AKAIN1: variants seen among roughly 807,000 people sequenced by gnomAD.
AKAIN1 encodes the protein A-kinase anchor protein inhibitor 1.
AKAIN1 carries 3 observed loss-of-function variants against 3.7 expected under a neutral mutation model. The observed-to-expected ratio is 0.82, with a 90% CI of 0.37 to 2.12. The LOEUF is 2.12. Among genes scored for constraint, AKAIN1 ranks in the 30% most tolerant of loss-of-function variants. The pLI is 0.06. For missense variants in AKAIN1, 82 were observed against 82.7 expected (o/e 0.99, Z 0.03); for synonymous variants, 31 against 30.8 (o/e 1.01, Z -0.02).
At chr18:5,160,951 T>TG (rs548173058) in intron 1 of AKAIN1, among the ~76,000 whole-genome samples, 1 of 152,014 alleles carries the variant, frequency 6.6e-6, no homozygotes, top group Non-Finnish European at 1.5e-5. Flanking sequence ...ATACTAGTAC[T>TG]TTATAAGCCT....
chr18:5,164,742 G>A (rs2143336754), intron 1 of AKAIN1, among the ~76,000 whole-genome samples: 1 of 152,076 alleles, frequency 6.6e-6, no homozygotes, highest in Non-Finnish European at 1.5e-5. Flanking sequence ...CTTGCCTTAT[G>A]AGTAATGCAT....
intron 1 of AKAIN1, among the ~76,000 whole-genome samples, chr18:5,176,568 A>T (rs1188968781): frequency 6.6e-6 from 1 of 152,208 alleles, no homozygotes; most frequent in African/African-American, 2.4e-5. Context: ...TGTTATGATA[A>T]GATGCCAACA....
At chr18:5,154,392 G>T (rs1014787733) in intron 1 of AKAIN1, among the ~76,000 whole-genome samples, 4 of 152,038 alleles carry the variant, frequency 2.6e-5, no homozygotes, top group Non-Finnish European at 5.9e-5. Context: ...GACTTAAAAG[G>T]CTGTTCTGAC....
At chr18:5,194,097 T>A (rs192427745) in intron 1 of AKAIN1, among the ~76,000 whole-genome samples, 1 of 152,302 alleles carries the variant, frequency 6.6e-6, no homozygotes, top group African/African-American at 2.4e-5. Context: ...TAGGTATATA[T>A]GGTACTTACA....
chr18:5,181,482 C>T (rs980239362), intron 1 of AKAIN1, among the ~76,000 whole-genome samples: 5 of 152,114 alleles, frequency 3.3e-5, no homozygotes, highest in African/African-American at 1.2e-4. Flanking sequence ...CTGAAAAGTA[C>T]ATGTGATACA....
upstream of AKAIN1, chr18:5,197,317 C>T (rs992357498): frequency 1.5e-5 from 20 of 1,325,928 alleles, no homozygotes; most frequent in Admixed American, 3.2e-4. The surrounding 1 kb of genome is among the most constrained non-coding windows in gnomAD (Gnocchi z 6.9). Flanking sequence ...TCCCTCATTC[C>T]TGTGCCAGCT....
Position 5,143,479 on chromosome 18 carries a change from C to G in AKAIN1, c.*2083G>C, listed in dbSNP as rs1021951562. Among the ~76,000 whole-genome samples the G allele has an allele frequency of 6.6e-6, 1 of 152,130 alleles. No homozygotes were observed. Among genetic ancestry groups the G allele is most frequent in the Non-Finnish European group, 1.5e-5 (1 of 68,022 alleles). ...AAAAGACCACTTCTTAGCATACATC[C>G]TTTTCTCTTCAAGCCTCAGGACCCA... On this transcript the variant is annotated 3_prime_UTR_variant, in exon 2 of 2. Transcript: ENST00000434239.
chr18:5,171,534 G>T (rs749682355), intron 1 of AKAIN1, among the ~76,000 whole-genome samples: 1 of 152,100 alleles, frequency 6.6e-6, no homozygotes, highest in African/African-American at 2.4e-5. Context: ...CAACAGATCC[G>T]AATAGACAGT....
rs1249639875 is a variant in AKAIN1, at chr18:5,145,224, A to G, written c.*338T>C. The G allele has an allele frequency of 5.1e-6, 1 of 195,126 alleles. No homozygotes were observed. The highest frequency in any genetic ancestry group is 1.2e-4 in the East Asian group (1 of 8,070). The allele number at this position is 195,126 out of a possible 1,614,324, so 12.1% of individuals were successfully genotyped here. ...AAAAGGCTGCTTGTTAAATTCACAG[A>G]AGGAACGCATAAAAGGCAGAAGTAA... On this transcript the variant is annotated 3_prime_UTR_variant, in exon 2 of 2. Transcript: ENST00000434239.
rs189556551 is a variant in AKAIN1 at position 5,175,980 on chromosome 18, C to G, written c.16+21058G>C. Among the ~76,000 whole-genome samples, 15 of 151,982 alleles carry G rather than the reference C, an allele frequency of 9.9e-5. No homozygotes were observed. In the East Asian group the frequency reaches 2.7e-3, roughly 28 times the overall value. On this transcript the variant is annotated intron_variant, in intron 1 of 1. Coordinates refer to ENST00000434239, the MANE Select transcript of AKAIN1 (RefSeq NM_001145194.2). ...ACCACATTTCCATTTTGCAATGGAC[C>G]CTGCAAATTATGTAGTTGGCCCTGT...
At chr18:5,196,963 T>C in intron 1 of AKAIN1, 75 bp downstream of exon 1, 1 of 1,330,280 alleles carries the variant, frequency 7.5e-7, no homozygotes, top group Non-Finnish European at 1.1e-6. Context: ...TAAAGAGGCC[T>C]TTTTTCCCTC....
intron 1 of AKAIN1, among the ~76,000 whole-genome samples, chr18:5,156,630 T>C (rs939025067): frequency 2.0e-5 from 3 of 152,258 alleles, no homozygotes; most frequent in African/African-American, 7.2e-5. Context: ...GTAATGCTTT[T>C]AGATGATTAA....
chr18:5,192,390 T>TTTCTTTCTTTCC (rs1398721959), intron 1 of AKAIN1, among the ~76,000 whole-genome samples: 9 of 81,890 alleles, frequency 1.1e-4, no homozygotes, highest in African/African-American at 4.2e-4. Context: ...GCTAATTTTC[T>TTTCTTTCTTTCC]TTCTTTCTTT....
chr18:5,174,738 C>CAA (rs113082512), intron 1 of AKAIN1, among the ~76,000 whole-genome samples: 4,123 of 145,122 alleles, frequency 0.028, 103 homozygotes, highest in East Asian at 0.11. Context: ...GAGATTCTGT[C>CAA]AAAAAAAAAA....
intron 1 of AKAIN1, among the ~76,000 whole-genome samples, chr18:5,170,306 A>T (rs2071190246): frequency 6.6e-6 from 1 of 152,094 alleles, no homozygotes; most frequent in Non-Finnish European, 1.5e-5. Flanking sequence ...TGTCTTCATT[A>T]ACTATTTAGA....
chr18:5,153,479 C>T (rs996338713), intron 1 of AKAIN1, among the ~76,000 whole-genome samples: 9 of 150,926 alleles, frequency 6.0e-5, no homozygotes, highest in African/African-American at 2.2e-4. Flanking sequence ...GAAACAACCA[C>T]ACAGATATAT....
chr18:5,189,337 T>A (rs1008618068), intron 1 of AKAIN1, among the ~76,000 whole-genome samples: 1 of 152,200 alleles, frequency 6.6e-6, no homozygotes, highest in East Asian at 1.9e-4. Context: ...TAGCAAATGA[T>A]GACTTGGCCA....
Position 5,145,579 on chromosome 18 carries a change from T to G in AKAIN1, c.193A>C (p.Lys65Gln). ...IQLGVGELTK[K>Q]HEKK ...CCACCATGTTACTTCTTTTCGTGCTTCTTGGTTAACTCCCCAACGCCCAGT... is the reference window on the plus strand; with the variant it reads ...CCACCATGTTACTTCTTTTCGTGCTGCTTGGTTAACTCCCCAACGCCCAGT... Residue 65 changes from lysine (K) to glutamine (Q), a missense_variant, in exon 2 of 2, where the codon AAG (lysine) becomes CAG (glutamine). Physicochemically the swap from Lys to Gln is moderately conservative, Grantham distance 53. Transcript: ENST00000434239. The G allele has an allele frequency of 1.9e-6, 3 of 1,551,458 alleles. No individual in the cohort carries two copies. The highest frequency in any genetic ancestry group is 2.6e-6 in the Non-Finnish European group (3 of 1,146,888).
intron 1 of AKAIN1, among the ~76,000 whole-genome samples, chr18:5,178,387 G>C (rs1420289334): frequency 6.6e-6 from 1 of 151,988 alleles, no homozygotes; most frequent in East Asian, 1.9e-4. Context: ...AAAAGGAAGA[G>C]GGACAAGATC....
Sources: allele counts gnomAD v4.1 joint callset (sites outside exome capture counted in the v4.1 genomes callset), GRCh38; gene constraint gnomAD v4.1.1; non-coding constraint Gnocchi (gnomAD v3.1); transcripts MANE v1.5; gene names NCBI Gene and HGNC (gene_info 2026-07-23, HGNC 2026-07-21).